Variants in CD40 observed in about 807,000 individuals in gnomAD.
CD40 encodes CD40 molecule.
CD40 carries 19 observed loss-of-function variants against 38.5 expected under a neutral mutation model. The ratio of observed to expected loss-of-function variants is 0.49; its 90% CI spans 0.34 to 0.72. The LOEUF is 0.72. Among genes scored for constraint, CD40 ranks in the 30% least tolerant of loss-of-function variants. CD40 has a pLI of 0.01. For missense variants in CD40, 256 were observed against 344.1 expected, an observed-to-expected ratio of 0.74 and a Z score of 2.03; for synonymous variants, 130 against 128.7, an observed-to-expected ratio of 1.01 and a Z score of -0.07.
intron 6 of CD40, 52 bp downstream of exon 6, chr20:46,126,753 A>AG (rs781006748): frequency 6.2e-7 from 1 of 1,613,684 alleles, no homozygotes; most frequent in Non-Finnish European, 8.5e-7. Context: ...TGGGAACTGA[A>AG]GGGGGAGATG....
rs748137498 is a variant in CD40 at position 46,121,693 on chromosome 20, G to A, written c.52-127G>A. On this transcript the variant is annotated intron_variant, in intron 1 of 8. Coordinates refer to ENST00000372285, the MANE Select transcript of CD40 (RefSeq NM_001250.6). ...AACAAACATGCCAAATATCATGCAG[G>A]TTCCACTTTCTGTTTTGACTTGCAC... The A allele has an allele frequency of 8.9e-6, 7 of 788,528 alleles. No homozygotes were observed. In the South Asian group the frequency reaches 9.5e-5, roughly 11 times the overall value. The allele number at this position is 788,528 out of a possible 1,614,324, so 48.8% of individuals were successfully genotyped here. A position where few individuals can be genotyped will look rare whatever the true frequency, so the allele number is the denominator to read the frequency against.
Position 46,129,818 on chromosome 20 carries a change from A to G in CD40, c.*778A>G, listed in dbSNP as rs2085520901. The G allele has an allele frequency of 6.6e-6, 1 of 152,218 alleles. No homozygotes were observed. The highest frequency in any genetic ancestry group is 2.4e-5 in the African/African-American group (1 of 41,442). 9.4% of individuals were successfully genotyped at this position (152,218 alleles called of 1,614,324 possible). A position where few individuals can be genotyped will look rare whatever the true frequency, so the allele number is the denominator to read the frequency against. ...TTTCCCAAAAGGAGAGTGAATTCAC[A>G]TAATGCTTATGTAATTAAAAAATCA... On this transcript the variant is annotated 3_prime_UTR_variant, in exon 9 of 9. Coordinates refer to ENST00000372285, the MANE Select transcript of CD40 (RefSeq NM_001250.6).
intron 8 of CD40, 173 bp downstream of exon 8, chr20:46,128,531 A>G (rs746007204): frequency 7.8e-6 from 6 of 771,100 alleles, no homozygotes; most frequent in Admixed American, 2.1e-5. Context: ...CCAGAGCTCA[A>G]TCCCCCACAG....
chr20:46,120,792 C>T (rs1384435445), intron 1 of CD40, among the ~76,000 whole-genome samples: 4 of 152,178 alleles, frequency 2.6e-5, no homozygotes, highest in South Asian at 4.1e-4. Context: ...CGGCCAGGCA[C>T]GGTGGCTTGT....
intron 5 of CD40, 64 bp from the exon 6 acceptor site, chr20:46,126,576 T>G: frequency 6.2e-7 from 1 of 1,604,468 alleles, no homozygotes; most frequent in Non-Finnish European, 8.5e-7. Flanking sequence ...ATCTTATGCT[T>G]GGGGAAACTT....
chr20:46,121,725 T>C (rs1342617987), intron 1 of CD40, 95 bp from the exon 2 acceptor site: 16 of 928,490 alleles, frequency 1.7e-5, no homozygotes, highest in Non-Finnish European at 2.9e-5. Context: ...GCACTTCAGT[T>C]TGCAGCCTCT....
chr20:46,122,309 C>G lies in CD40; in HGVS notation c.207C>G (p.Asp69Glu). 6.2e-7 allele frequency: 1 copy of G among 1,614,172 alleles called. No individual in the cohort carries two copies. Among genetic ancestry groups the G allele is most frequent in the Non-Finnish European group, 8.5e-7 (1 of 1,180,028 alleles). Residue 69 changes from aspartate to glutamate, a missense_variant, in exon 3 of 9, where the codon GAC (aspartate) becomes GAG (glutamate). Asp to Glu is a conservative substitution (Grantham distance 45). Transcript: ENST00000372285. The surrounding 1 kb of genome is among the most constrained non-coding windows in gnomAD (Gnocchi z 5.0). ...CLPCGESEFL[D>E]TWNRETHCHQ... Reference sequence around the variant, plus strand: ...CTTGCGGTGAAAGCGAATTCCTAGACACCTGGAACAGAGAGACACACTGCC... The same window carrying G: ...CTTGCGGTGAAAGCGAATTCCTAGAGACCTGGAACAGAGAGACACACTGCC...
At chr20:46,120,869 A>G (rs2085304282) in intron 1 of CD40, among the ~76,000 whole-genome samples, 1 of 152,218 alleles carries the variant, frequency 6.6e-6, no homozygotes, top group African/African-American at 2.4e-5. Flanking sequence ...GTTTTAGATC[A>G]GCCTGGCCAA....
Position 46,122,128 on chromosome 20 carries a change from T to C in CD40, c.131-105T>C, listed in dbSNP as rs11569316. ...CCTGATTATGAAGGATCCAAGACTT[T>C]CATCTTTGAATCCCCTACCCTAAAG... On this transcript the variant is annotated intron_variant, in intron 2 of 8. Transcript: ENST00000372285. This position sits in a 1 kb window ranked among gnomAD's most constrained non-coding sequence, Gnocchi z 5.0. 1,968 of 1,430,550 alleles carry C rather than the reference T, an allele frequency of 1.4e-3. 3 individuals carry two copies. Among genetic ancestry groups the C allele is most frequent in the Non-Finnish European group, 1.8e-3 (1,839 of 1,014,796 alleles). The allele number at this position is 1,430,550 out of a possible 1,614,324, so 88.6% of individuals were successfully genotyped here. A position where few individuals can be genotyped will look rare whatever the true frequency, so the allele number is the denominator to read the frequency against.
intron 5 of CD40, among the ~76,000 whole-genome samples, chr20:46,124,564 A>ATACCATG (rs1352688141): frequency 4.6e-5 from 7 of 150,850 alleles, no homozygotes; most frequent in Non-Finnish European, 5.9e-5. Flanking sequence ...AAATAGGAGT[A>ATACCATG]TACATTTTAT....
At chr20:46,126,281 T>G (rs2085434780) in intron 5 of CD40, among the ~76,000 whole-genome samples, 1 of 151,210 alleles carries the variant, frequency 6.6e-6, no homozygotes, top group African/African-American at 2.4e-5. Context: ...AACCCTATCT[T>G]AAGCTGAACT....
intron 6 of CD40, 32 bp downstream of exon 6, chr20:46,126,733 C>T: frequency 6.2e-7 from 1 of 1,613,858 alleles, no homozygotes; most frequent in Non-Finnish European, 8.5e-7. Context: ...CTGGAGAAAG[C>T]CTAGGAAGGT....
chr20:46,126,556 A>C, intron 5 of CD40, 84 bp from the exon 6 acceptor site: 3 of 1,528,052 alleles, frequency 2.0e-6, no homozygotes, highest in Non-Finnish European at 9.0e-7. Context: ...GACTCACTCT[A>C]GAGTTGGAAA....
At chr20:46,128,463 C>A in intron 8 of CD40, 105 bp downstream of exon 8, 2 of 1,267,324 alleles carry the variant, frequency 1.6e-6, no homozygotes, top group Non-Finnish European at 2.3e-6. Context: ...GTCTCTGCAG[C>A]CAGTGGGGTG....
chr20:46,124,290 A>G (rs1206691670), intron 5 of CD40, among the ~76,000 whole-genome samples: 1 of 152,228 alleles, frequency 6.6e-6, no homozygotes, highest in Non-Finnish European at 1.5e-5. Flanking sequence ...ACAGAGCGAC[A>G]TTCTGTCTCA....
At chr20:46,121,975 T>C in intron 2 of CD40, 77 bp downstream of exon 2, 1 of 1,257,476 alleles carries the variant, frequency 8.0e-7, no homozygotes, top group South Asian at 1.2e-5. Context: ...ATATGTTAAC[T>C]GTAAACTCAA....
At chr20:46,120,814 C>T (rs1394281918) in intron 1 of CD40, among the ~76,000 whole-genome samples, 2 of 152,186 alleles carry the variant, frequency 1.3e-5, no homozygotes, top group African/African-American at 2.4e-5. Context: ...CCTGTAATCC[C>T]AGCACTTTGG....
intron 1 of CD40, among the ~76,000 whole-genome samples, chr20:46,118,930 C>T (rs1475216587): frequency 6.6e-6 from 1 of 152,206 alleles, no homozygotes; most frequent in African/African-American, 2.4e-5. Context: ...CACCCCGAAC[C>T]GTATCTTGGG....
At chr20:46,123,105 C>T (rs750673913) in intron 4 of CD40, 21 bp from the exon 5 acceptor site, 1 of 1,584,368 alleles carries the variant, frequency 6.3e-7, no homozygotes, top group East Asian at 2.2e-5. Context: ...GGTTAATGTC[C>T]CCCTCCCCAC....
Sources: gnomAD v4.1 joint callset for allele counts (sites outside exome capture counted in the v4.1 genomes callset) on GRCh38, gnomAD v4.1.1 for gene constraint, Gnocchi (gnomAD v3.1) non-coding constraint, MANE v1.5 for transcripts, NCBI Gene and HGNC (gene_info 2026-07-23, HGNC 2026-07-21) for gene names.